Variants in HACD3 observed in about 807,000 individuals in gnomAD.
HACD3 encodes the protein very-long-chain (3R)-3-hydroxyacyl-CoA dehydratase 3.
Under a neutral mutation model 55.2 loss-of-function variants are expected in HACD3, and 30 were observed. The observed-to-expected ratio is 0.54, with a 90% CI of 0.41 to 0.74. The LOEUF (loss-of-function observed/expected upper bound fraction) is 0.74. Among genes scored for constraint, HACD3 ranks in the 30% least tolerant of loss-of-function variants. HACD3 has a pLI of 0.00. For synonymous variants in HACD3, 141 were observed against 151.7 expected (o/e 0.93, Z 0.52); for missense variants, 363 against 440.1 (o/e 0.82, Z 1.57).
chr15:65,530,875 A>T, intron 1 of HACD3, 157 bp downstream of exon 1: 1 of 700,046 alleles, frequency 1.4e-6, no homozygotes, highest in South Asian at 2.0e-5. Flanking sequence ...GCGCTTTTCG[A>T]GGCTCATCTG....
chr15:65,539,514 C>T (rs909638043), intron 1 of HACD3, among the ~76,000 whole-genome samples: 1 of 152,088 alleles, frequency 6.6e-6, no homozygotes, highest in Non-Finnish European at 1.5e-5. Context: ...AGCCACCGTG[C>T]CCAGCCGGAC....
At chr15:65,541,013 A>G (rs2072014300) in intron 1 of HACD3, among the ~76,000 whole-genome samples, 1 of 152,160 alleles carries the variant, frequency 6.6e-6, no homozygotes, top group Non-Finnish European at 1.5e-5. Context: ...TAGTCTTAAG[A>G]TTTTGACTTA....
chr15:65,546,952 G>A (rs993902232), intron 1 of HACD3, among the ~76,000 whole-genome samples: 2 of 152,018 alleles, frequency 1.3e-5, no homozygotes, highest in African/African-American at 4.8e-5. Flanking sequence ...GATCAGTAAA[G>A]GAAAAAAAGC....
chr15:65,562,018 T>C (rs2072248907), intron 5 of HACD3, among the ~76,000 whole-genome samples: 1 of 152,202 alleles, frequency 6.6e-6, no homozygotes, highest in Non-Finnish European at 1.5e-5. Context: ...GCGCGGAGCT[T>C]CCATGCCCTC....
chr15:65,541,914 G>A (rs577628583), intron 1 of HACD3, among the ~76,000 whole-genome samples: 192 of 152,218 alleles, frequency 1.3e-3, no homozygotes, highest in South Asian at 3.1e-3. Flanking sequence ...GCTAATTTTT[G>A]TATAGAAAGA....
chr15:65,558,756 G>A (rs903410214), intron 5 of HACD3, 25 bp downstream of exon 5: 1 of 1,587,488 alleles, frequency 6.3e-7, no homozygotes, highest in Non-Finnish European at 8.6e-7. Flanking sequence ...TGCCATGGTA[G>A]TTACCAGTTA....
In HACD3 at chr15:65,530,635, G is replaced by C. The variant is rs2071887079; in HGVS notation, c.4G>C (p.Glu2Gln). The change falls in exon 1 of 11, where the codon GAG (glutamate) becomes CAG (glutamine). Residue 2 changes from glutamate (E) to glutamine (Q), a missense_variant. Physicochemically the swap from Glu to Gln is conservative, Grantham distance 29 (BLOSUM62 2). Coordinates refer to ENST00000261875, the MANE Select transcript of HACD3 (RefSeq NM_016395.4). M[E>Q]NQVLTPHVYW... Reference sequence around the variant, plus strand: ...CCGCGCCCTGGGCAGTGTGGCCATGGAGAATCAGGTGTTGACGCCGCATGT... The same window carrying C: ...CCGCGCCCTGGGCAGTGTGGCCATGCAGAATCAGGTGTTGACGCCGCATGT... 1 of 1,577,172 alleles carries C rather than the reference G, an allele frequency of 6.3e-7. No homozygotes were observed. The highest frequency in any genetic ancestry group is 8.6e-7 in the Non-Finnish European group (1 of 1,162,574).
chr15:65,563,418 A>G (rs984961091), intron 6 of HACD3, among the ~76,000 whole-genome samples: 2 of 152,220 alleles, frequency 1.3e-5, no homozygotes, highest in African/African-American at 4.8e-5. Context: ...TGAGAATTTG[A>G]TCTAAAGTAT....
intron 9 of HACD3, 97 bp from the exon 10 acceptor site, chr15:65,572,138 C>G: frequency 6.7e-7 from 1 of 1,498,618 alleles, no homozygotes. Flanking sequence ...TTCCAGCACA[C>G]CCAGAACTGA....
chr15:65,544,078 G>A lies in HACD3; in HGVS notation c.88-7598G>A, dbSNP rs564481121. Among the ~76,000 whole-genome samples, 113 of 152,286 alleles carry A rather than the reference G, an allele frequency of 7.4e-4. 3 individuals are homozygous for A. Among genetic ancestry groups the A allele is most frequent in the African/African-American group, 2.4e-3 (99 of 41,558 alleles). On this transcript the variant is annotated intron_variant, in intron 1 of 10. Transcript: ENST00000261875. ...TGTAGTCCCAGCTACTCGGGAGGCC[G>A]AGGCAGGAGAATGGCGTGAACCCGG...
chr15:65,554,500 G>C (rs536089624), intron 2 of HACD3, among the ~76,000 whole-genome samples: 1 of 152,198 alleles, frequency 6.6e-6, no homozygotes, highest in South Asian at 2.1e-4. Flanking sequence ...TTCGTGCCAG[G>C]TACAGTGGCT....
At chr15:65,535,942 G>C (rs989396920) in intron 1 of HACD3, 22 of 432,536 alleles carry the variant, frequency 5.1e-5, no homozygotes, top group Non-Finnish European at 7.8e-5. Context: ...CTCTTGCCTT[G>C]GCCTCCCAGA....
chr15:65,556,677 T>C (rs2072193651), intron 3 of HACD3, 62 bp from the exon 4 acceptor site: 1 of 1,506,744 alleles, frequency 6.6e-7, no homozygotes, highest in East Asian at 2.3e-5. Flanking sequence ...ACGGCGCCCC[T>C]GGCATGGTGC....
Position 65,571,660 on chromosome 15 carries a change from C to T in HACD3, c.880+6C>T, listed in dbSNP as rs1198291115. ...ACTGGGATGTTTGGCGGAAGGTACT[C>T]TCAGGGACTCTTAGCTTTCATAGCT... On this transcript the variant is annotated splice_donor_region_variant and intron_variant, in intron 9 of 10. Coordinates refer to ENST00000261875, the MANE Select transcript of HACD3 (RefSeq NM_016395.4). 3.1e-6 allele frequency: 5 copies of T among 1,600,428 alleles called. No individual in the cohort carries two copies. Among genetic ancestry groups the T allele is most frequent in the African/African-American group, 2.7e-5 (2 of 74,614 alleles).
chr15:65,545,142 C>G (rs946240493), intron 1 of HACD3, among the ~76,000 whole-genome samples: 4 of 151,938 alleles, frequency 2.6e-5, no homozygotes, highest in African/African-American at 7.3e-5. Flanking sequence ...GAGGGAATGG[C>G]AGATTACATT....
In HACD3 at chr15:65,548,978, C is replaced by T. The variant is rs2072104297; in HGVS notation, c.88-2698C>T. On this transcript the variant is annotated intron_variant, in intron 1 of 10. Coordinates refer to ENST00000261875, the MANE Select transcript of HACD3 (RefSeq NM_016395.4). ...CTGGGTTCAAGTGATCCTCCCACTT[C>T]AGCCTCCCCGGTAGCTGGGACTATA... 2.0e-5 allele frequency among the ~76,000 whole-genome samples: 3 copies of T among 152,308 alleles called. No homozygotes were observed. The South Asian group carries it at 6.2e-4, about 32-fold the overall frequency.
intron 6 of HACD3, 41 bp from the exon 7 acceptor site, chr15:65,564,174 T>C: frequency 6.3e-7 from 1 of 1,594,498 alleles, no homozygotes; most frequent in East Asian, 2.2e-5. Flanking sequence ...CTGTTGGAAT[T>C]TACCAACTGA....
chr15:65,530,709 T>C lies in HACD3; in HGVS notation c.78T>C (p.Ser26=). Residue 26 remains serine (S), a synonymous_variant, in exon 1 of 11, where the codon AGT becomes AGC. Transcript: ENST00000261875. The part of the protein sequence containing the change: ...HRELYLRVEL[S]DVQNPAISIT... ...AGCTATATCTGCGCGTGGAGCTGAG[T>C]GACGTACAGGTAAAGGCCGGGTCGG... The C allele has an allele frequency of 1.3e-6, 2 of 1,565,178 alleles. No individual in the cohort carries two copies. Among genetic ancestry groups the C allele is most frequent in the Non-Finnish European group, 1.7e-6 (2 of 1,156,558 alleles).
At chr15:65,534,409 C>A (rs867674325) in intron 1 of HACD3, 1 of 152,196 alleles carries the variant, frequency 6.6e-6, no homozygotes, top group South Asian at 2.1e-4. Flanking sequence ...ATAAAGACTT[C>A]AGCAGTGGCA....
Sources: gnomAD v4.1 joint callset for allele counts (sites outside exome capture counted in the v4.1 genomes callset) on GRCh38, gnomAD v4.1.1 for gene constraint, MANE v1.5 for transcripts, NCBI Gene and HGNC (gene_info 2026-07-23, HGNC 2026-07-21) for gene names.